Variants in AANAT observed in about 807,000 individuals in gnomAD.
AANAT encodes aralkylamine N-acetyltransferase, also known as serotonin N-acetyltransferase.
In AANAT, 11 loss-of-function variants were observed where a neutral mutation model predicts 15.6. The ratio of observed to expected loss-of-function variants is 0.71; its 90% confidence interval spans 0.44 to 1.17. The LOEUF (loss-of-function observed/expected upper bound fraction) is 1.17, where lower values mean the gene tolerates loss of function less well. AANAT is among the 50% of genes most tolerant of loss of function. The pLI is 0.00. For synonymous variants in AANAT, 139 were observed against 131.5 expected (o/e 1.06, Z -0.39); for missense variants, 286 against 296.3 (o/e 0.97, Z 0.26).
upstream of AANAT, among the ~76,000 whole-genome samples, chr17:76,464,731 G>C (rs946656387): frequency 1.3e-5 from 2 of 151,372 alleles, no homozygotes; most frequent in African/African-American, 4.9e-5. Flanking sequence ...CATCCAGTTT[G>C]TGTATCATCT....
chr17:76,462,472 G>A (rs1484358382), exon 3 of AANAT: 1 of 152,222 alleles, frequency 6.6e-6, no homozygotes, highest in Non-Finnish European at 1.5e-5. Flanking sequence ...GTTGATGCAG[G>A]ACAAAGAGGT....
chr17:76,469,687 C>G lies in AANAT; in HGVS notation c.341C>G (p.Ser114Cys), dbSNP rs2073495811. The change falls in exon 4 of 4, where the codon TCT (serine) becomes TGT (cysteine). Residue 114 changes from serine (S) to cysteine (C), a missense_variant. Transcript: ENST00000392492. The surrounding 1 kb of genome is among the most constrained non-coding windows in gnomAD (Gnocchi z 5.2). ...CAGGAGTCACTGACGCTGCACAGGT[C>G]TGGGGGCCACATAGCCCACCTGCAT... The part of the protein sequence containing the change: ...LMQESLTLHR[S>C]GGHIAHLHVL... 2.6e-6 allele frequency: 4 copies of G among 1,520,044 alleles called. No homozygotes were observed. Among genetic ancestry groups the G allele is most frequent in the Non-Finnish European group, 3.5e-6 (4 of 1,133,076 alleles). 94.2% of individuals were successfully genotyped at this position (1,520,044 alleles called of 1,614,324 possible).
In AANAT at chr17:76,469,534, C is replaced by T; in HGVS notation, c.319-131C>T. 1.6e-6 allele frequency: 2 copies of T among 1,248,420 alleles called. No individual in the cohort carries two copies. The highest frequency in any genetic ancestry group is 2.6e-5 in the East Asian group (1 of 38,658). The allele number at this position is 1,248,420 out of a possible 1,614,324, so 77.3% of individuals were successfully genotyped here. On this transcript the variant is annotated intron_variant, in intron 3 of 3. Coordinates refer to ENST00000392492, the MANE Select transcript of AANAT (RefSeq NM_001088.3). The surrounding 1 kb of genome is among the most constrained non-coding windows in gnomAD (Gnocchi z 5.2). ...GGGGGTATGGCTCCCAATTTGGGGC[C>T]CTCCTTTGCTGGGGTGGGTGCCCTG... is the stretch of plus-strand genomic sequence containing the variant.
chr17:76,454,742 G>T (rs899328172), intron 1 of AANAT, among the ~76,000 whole-genome samples: 2 of 152,052 alleles, frequency 1.3e-5, no homozygotes, highest in Non-Finnish European at 2.9e-5. Flanking sequence ...AGAATTGCTT[G>T]AATCTGGGAG....
intron 1 of AANAT, among the ~76,000 whole-genome samples, chr17:76,457,261 C>T (rs550351337): frequency 1.3e-5 from 2 of 152,196 alleles, no homozygotes; most frequent in African/African-American, 4.8e-5. Context: ...AGGCTGGTCT[C>T]GAACTCCTGA....
rs563179180 is a variant in AANAT, at chr17:76,469,043, G to A, written c.164-130G>A. 3 of 1,498,102 alleles carry A rather than the reference G, an allele frequency of 2.0e-6. No homozygotes were observed. The highest frequency in any genetic ancestry group is 2.7e-6 in the Non-Finnish European group (3 of 1,099,104). 92.8% of individuals were successfully genotyped at this position (1,498,102 alleles called of 1,614,324 possible). On this transcript the variant is annotated intron_variant, in intron 2 of 3. Transcript: ENST00000392492. The surrounding 1 kb of genome is among the most constrained non-coding windows in gnomAD (Gnocchi z 5.2). ...GACCATGTGTGCGCTCAAGAAAGTG[G>A]GGGAAACAGCAGCCCTAACCCCCAT...
At chr17:76,458,662 G>C (rs1201933959) in intron 1 of AANAT, among the ~76,000 whole-genome samples, 2 of 152,208 alleles carry the variant, frequency 1.3e-5, no homozygotes, top group African/African-American at 2.4e-5. Flanking sequence ...CAGGGAAGCA[G>C]GCCCTGTCTC....
In AANAT at chr17:76,469,366, T is replaced by C. The variant is rs4646261; in HGVS notation, c.318+39T>C. 5.6e-6 allele frequency: 9 copies of C among 1,610,568 alleles called. No homozygotes were observed. Among genetic ancestry groups the C allele is most frequent in the Non-Finnish European group, 7.6e-6 (9 of 1,178,632 alleles). ...TGCGACGCCCAGCTCCAGGGAGGCC[T>C]CTGAAGACAGAGGTCAGCCAGATGG... On this transcript the variant is annotated intron_variant, in intron 3 of 3. Transcript: ENST00000392492. The surrounding 1 kb of genome is among the most constrained non-coding windows in gnomAD (Gnocchi z 5.2).
chr17:76,466,072 C>T, upstream of AANAT: 2 of 1,033,176 alleles, frequency 1.9e-6, no homozygotes, highest in Admixed American at 2.0e-5. Flanking sequence ...CCGGAAAGAA[C>T]AGGGCCATGT....
chr17:76,464,579 C>T (rs374187816), upstream of AANAT, among the ~76,000 whole-genome samples: 6 of 152,024 alleles, frequency 3.9e-5, no homozygotes, highest in East Asian at 7.7e-4. Context: ...GGCAGGGAGT[C>T]GCGGTGGGTG....
intron 1 of AANAT, among the ~76,000 whole-genome samples, chr17:76,457,215 G>T (rs918177537): frequency 3.3e-5 from 5 of 152,088 alleles, no homozygotes; most frequent in African/African-American, 1.2e-4. Context: ...GCTAATTTTT[G>T]TATTTTTAGT....
At chr17:76,460,048 T>C (rs1379629735) in intron 2 of AANAT, among the ~76,000 whole-genome samples, 2 of 151,480 alleles carry the variant, frequency 1.3e-5, no homozygotes, top group South Asian at 2.1e-4. Context: ...CATAAACTGA[T>C]CTGATCCTTC....
chr17:76,460,248 A>C (rs1239383475), intron 2 of AANAT, among the ~76,000 whole-genome samples: 1 of 143,272 alleles, frequency 7.0e-6, no homozygotes, highest in East Asian at 2.2e-4. Context: ...TCCCGGGTTC[A>C]AGACATTCTT....
intron 1 of AANAT, among the ~76,000 whole-genome samples, chr17:76,458,528 TGGG>T (rs1343954055): frequency 6.6e-6 from 1 of 152,216 alleles, no homozygotes; most frequent in African/African-American, 2.4e-5. Context: ...AGCTATTTCT[TGGG>T]AGGATTTCAC....
At chr17:76,465,919 G>A (rs979384549), upstream of AANAT, 6 of 473,868 alleles carry the variant, frequency 1.3e-5, no homozygotes, top group South Asian at 2.1e-5. Flanking sequence ...GTGCAGTGGC[G>A]AGTCACTACA....
chr17:76,464,417 G>A (rs879935174), upstream of AANAT, among the ~76,000 whole-genome samples: 4 of 152,018 alleles, frequency 2.6e-5, no homozygotes, highest in Non-Finnish European at 5.9e-5. Context: ...TCATGGGACC[G>A]AAGAGCCTTT....
chr17:76,453,586 C>G (rs1053241912), exon 1 of AANAT: 1 of 158,508 alleles, frequency 6.3e-6, no homozygotes, highest in South Asian at 2.0e-4. Context: ...TCCCTGTCCT[C>G]TAGGTGTTTC....
At chr17:76,467,599 C>T (rs944852677), upstream of AANAT, 53 of 985,378 alleles carry the variant, frequency 5.4e-5, no homozygotes, top group South Asian at 1.9e-4. Flanking sequence ...ACAGGCTGCC[C>T]GGGGAACATC....
At chr17:76,455,230 T>A (rs1469540582) in intron 1 of AANAT, among the ~76,000 whole-genome samples, 1 of 151,984 alleles carries the variant, frequency 6.6e-6, no homozygotes, top group Non-Finnish European at 1.5e-5. Flanking sequence ...GGTGGGTGGA[T>A]CAGTTGAGGT....
Sources: gnomAD v4.1 joint callset for allele counts (sites outside exome capture counted in the v4.1 genomes callset) on GRCh38, gnomAD v4.1.1 for gene constraint, Gnocchi (gnomAD v3.1) non-coding constraint, MANE v1.5 for transcripts, NCBI Gene and HGNC (gene_info 2026-07-23, HGNC 2026-07-21) for gene names.